Variants in RAPGEF6 observed in about 807,000 individuals in gnomAD.
RAPGEF6 encodes the protein Rap guanine nucleotide exchange factor 6.
Under a neutral mutation model 171.4 loss-of-function variants are expected in RAPGEF6, and 56 were observed. That is an observed-to-expected ratio of 0.33 (90% CI 0.26 to 0.41). The LOEUF (loss-of-function observed/expected upper bound fraction) is 0.41, where lower values mean the gene tolerates loss of function less well. RAPGEF6 is among the 10% of genes least tolerant of loss of function. The probability of loss-of-function intolerance (pLI) is 1.00; values close to 1 mark genes in which losing one functional copy is unlikely to be tolerated. For missense variants in RAPGEF6, 1,674 were observed against 1,921.4 expected (o/e 0.87, Z 2.41); for synonymous variants, 692 against 650.1 (o/e 1.06, Z -0.98).
chr5:131,635,207 C>A lies in RAPGEF6; in HGVS notation c.-177G>T, dbSNP rs943753260. 1.6e-6 allele frequency: 1 copy of A among 608,828 alleles called. No individual in the cohort carries two copies. The highest frequency in any genetic ancestry group is 2.8e-6 in the Non-Finnish European group (1 of 363,516). The allele number at this position is 608,828 out of a possible 1,614,324, so 37.7% of individuals were successfully genotyped here. A position where few individuals can be genotyped will look rare whatever the true frequency, so the allele number is the denominator to read the frequency against. On this transcript the variant is annotated 5_prime_UTR_variant, in exon 1 of 28. Transcript: ENST00000509018. ...CGCCCGCCTAAGGCCTCTACCCACG[C>A]GCGACTGGCCGGAGACAAGTCTGCG... is the stretch of plus-strand genomic sequence containing the variant.
chr5:131,504,382 A>C (rs576410610), intron 11 of RAPGEF6, among the ~76,000 whole-genome samples: 113 of 152,158 alleles, frequency 7.4e-4, no homozygotes, highest in South Asian at 6.2e-3. Context: ...GAATCGCTTG[A>C]ACCTGGGAGG....
At chr5:131,612,907 T>C (rs1205771329) in intron 1 of RAPGEF6, among the ~76,000 whole-genome samples, 1 of 152,218 alleles carries the variant, frequency 6.6e-6, no homozygotes, top group Non-Finnish European at 1.5e-5. Flanking sequence ...AAAGAGAATT[T>C]CACTCACAAG....
In RAPGEF6 at chr5:131,486,849, T is replaced by G. The variant is rs116508954; in HGVS notation, c.1840+2697A>C. Among the ~76,000 whole-genome samples, 777 of 152,030 alleles carry G rather than the reference T, an allele frequency of 5.1e-3. 4 individuals carry two copies. The highest frequency in any genetic ancestry group is 0.017 in the African/African-American group (712 of 41,478). On this transcript the variant is annotated intron_variant, in intron 15 of 27. Transcript: ENST00000509018. ...AGGGATAAATTTTTAAATTGCTCTGTGCAGCGTCCTAGAAATGTTTTTCTT... is the reference window on the plus strand; with the variant it reads ...AGGGATAAATTTTTAAATTGCTCTGGGCAGCGTCCTAGAAATGTTTTTCTT...
chr5:131,507,184 A>ATTATATATATT (rs35514694), intron 9 of RAPGEF6, among the ~76,000 whole-genome samples: 4 of 147,088 alleles, frequency 2.7e-5, no homozygotes, highest in Non-Finnish European at 6.0e-5. Flanking sequence ...TATATTATAT[A>ATTATATATATT]TATAGTATGA....
At chr5:131,529,528 C>T (rs1309912608) in intron 6 of RAPGEF6, among the ~76,000 whole-genome samples, 4 of 151,284 alleles carry the variant, frequency 2.6e-5, no homozygotes, top group Admixed American at 2.6e-4. Flanking sequence ...TTTCAGCTTG[C>T]GAGAGTACTA....
chr5:131,565,301 T>A (rs1761865706), intron 4 of RAPGEF6, among the ~76,000 whole-genome samples: 1 of 152,160 alleles, frequency 6.6e-6, no homozygotes, highest in African/African-American at 2.4e-5. Flanking sequence ...GATACATTTA[T>A]CAAAATACAC....
At chr5:131,539,260 A>G (rs1759976269) in intron 6 of RAPGEF6, among the ~76,000 whole-genome samples, 1 of 152,246 alleles carries the variant, frequency 6.6e-6, no homozygotes, top group Non-Finnish European at 1.5e-5. Flanking sequence ...CTTATGAAAT[A>G]CCATATTAAA....
At chr5:131,440,482 A>C (rs897718827) in intron 23 of RAPGEF6, among the ~76,000 whole-genome samples, 2 of 152,124 alleles carry the variant, frequency 1.3e-5, no homozygotes, top group African/African-American at 2.4e-5. Flanking sequence ...TCACGCCTGT[A>C]ATCCCAGCAC....
At chr5:131,464,908 C>T (rs1434799355) in intron 17 of RAPGEF6, among the ~76,000 whole-genome samples, 1 of 152,110 alleles carries the variant, frequency 6.6e-6, no homozygotes, top group African/African-American at 2.4e-5. Context: ...TGGTCACATC[C>T]TTACAAAAAT....
At chr5:131,602,465 A>G (rs1434425306) in intron 3 of RAPGEF6, among the ~76,000 whole-genome samples, 2 of 152,196 alleles carry the variant, frequency 1.3e-5, no homozygotes, top group East Asian at 1.9e-4. Flanking sequence ...TTATAATACT[A>G]AAAATTAGAA....
chr5:131,443,511 CATAGA>C (rs1217337812), intron 22 of RAPGEF6, among the ~76,000 whole-genome samples: 11 of 152,216 alleles, frequency 7.2e-5, no homozygotes, highest in African/African-American at 2.7e-4. Flanking sequence ...AGGCATTCTT[CATAGA>C]ATAGAAGAGT....
chr5:131,440,737 CAAA>C (rs1168441695), intron 23 of RAPGEF6, among the ~76,000 whole-genome samples: 1,968 of 66,800 alleles, frequency 0.029, 24 homozygotes, highest in African/African-American at 0.094. Context: ...GACTCTGTCT[CAAA>C]AAAAAAAAAA....
intron 15 of RAPGEF6, among the ~76,000 whole-genome samples, chr5:131,480,307 C>T (rs1755385602): frequency 1.3e-5 from 2 of 152,086 alleles, no homozygotes; most frequent in Middle Eastern, 3.2e-3. Flanking sequence ...TTTGGGTGTA[C>T]ATGGGGTGGA....
At chr5:131,540,520 T>A (rs531582849) in intron 6 of RAPGEF6, among the ~76,000 whole-genome samples, 6 of 152,192 alleles carry the variant, frequency 3.9e-5, no homozygotes, top group African/African-American at 1.4e-4. Context: ...TATGATCGCA[T>A]AACTGCATTT....
chr5:131,443,687 T>A (rs751578456), intron 22 of RAPGEF6, among the ~76,000 whole-genome samples: 12 of 152,222 alleles, frequency 7.9e-5, no homozygotes, highest in Non-Finnish European at 1.5e-4. Flanking sequence ...TTGACTTGCT[T>A]ACCTTTCCTC....
At chr5:131,433,354 G>T in intron 25 of RAPGEF6, 76 bp downstream of exon 25, 1 of 1,328,776 alleles carries the variant, frequency 7.5e-7, no homozygotes, top group African/African-American at 1.4e-5. Flanking sequence ...GAGGTCCAAG[G>T]TCAAGGTGGG....
intron 4 of RAPGEF6, among the ~76,000 whole-genome samples, chr5:131,585,924 C>A (rs1308221434): frequency 1.3e-4 from 20 of 152,162 alleles, no homozygotes; most frequent in Admixed American, 1.3e-3. Flanking sequence ...CCAGACTGAA[C>A]CAATGCTGAT....
chr5:131,456,475 T>TC (rs1485608843), intron 19 of RAPGEF6, among the ~76,000 whole-genome samples: 1 of 152,174 alleles, frequency 6.6e-6, no homozygotes, highest in Non-Finnish European at 1.5e-5. Flanking sequence ...TTCACTCACA[T>TC]CCCTGATTCC....
At position 131,544,835 on chromosome 5, in the gene RAPGEF6, A is replaced by G. The variant is rs1760405043; in HGVS notation, c.495+3212T>C. Among the ~76,000 whole-genome samples, 5 of 152,100 alleles carry G rather than the reference A, an allele frequency of 3.3e-5. No homozygotes were observed. The South Asian group carries it at 1.0e-3, about 31-fold the overall frequency. ...GTAGCTGGGATTACAGGCAAGCGCCACCATGTCTGGCTAATTTTTGTATTT... is the reference window on the plus strand; with the variant it reads ...GTAGCTGGGATTACAGGCAAGCGCCGCCATGTCTGGCTAATTTTTGTATTT... On this transcript the variant is annotated intron_variant, in intron 6 of 27. Transcript: ENST00000509018.
Sources: allele counts gnomAD v4.1 joint callset (sites outside exome capture counted in the v4.1 genomes callset), GRCh38; gene constraint gnomAD v4.1.1; transcripts MANE v1.5; gene names NCBI Gene and HGNC (gene_info 2026-07-23, HGNC 2026-07-21).